TMEM178B: variants seen among roughly 807,000 people sequenced by gnomAD.
The protein encoded by TMEM178B is transmembrane protein 178B.
TMEM178B carries 5 observed loss-of-function variants against 31.0 expected under a neutral mutation model. The observed-to-expected ratio is 0.16, with a 90% CI of 0.08 to 0.34. The LOEUF (loss-of-function observed/expected upper bound fraction) is 0.34. Ranked by LOEUF, TMEM178B falls within the 10% of genes least tolerant of loss-of-function variation. The pLI is 1.00. For missense variants in TMEM178B, 275 were observed against 400.3 expected (o/e 0.69, Z 2.67); for synonymous variants, 164 against 164.0 (o/e 1.00, Z 0.00).
intron 3 of TMEM178B, among the ~76,000 whole-genome samples, chr7:141,464,540 A>G (rs1429144951): frequency 1.3e-5 from 2 of 152,142 alleles, no homozygotes; most frequent in African/African-American, 4.8e-5. Flanking sequence ...TTTTTTAAAA[A>G]GCTTTTTATT....
At chr7:141,431,640 A>T (rs1420431178) in intron 2 of TMEM178B, among the ~76,000 whole-genome samples, 1 of 152,250 alleles carries the variant, frequency 6.6e-6, no homozygotes, top group Admixed American at 6.5e-5. Flanking sequence ...TTGCCTGCAG[A>T]GTCAAACTCA....
chr7:141,438,727 T>G (rs1268347592), intron 3 of TMEM178B, among the ~76,000 whole-genome samples: 1 of 33,542 alleles, frequency 3.0e-5, no homozygotes. Context: ...AAAAAAAAAA[T>G]TAGCCAGGCA....
chr7:141,354,668 A>G (rs1253128213), intron 2 of TMEM178B, among the ~76,000 whole-genome samples: 1 of 152,204 alleles, frequency 6.6e-6, no homozygotes, highest in Non-Finnish European at 1.5e-5. Context: ...TTTAAGCCTT[A>G]GAAACCTACC....
At position 141,109,386 on chromosome 7, in the gene TMEM178B, CAG is replaced by C. The variant is rs1269297674; in HGVS notation, c.382+34695_382+34696del. On this transcript the variant is annotated intron_variant, in intron 1 of 3. Transcript: ENST00000565468. The stretch of plus-strand genomic sequence containing the variant: ...TATTAGAGAGAGTAAGCTGGAAACT[CAG>C]GGGGTGGTGGACAGAGTGTGACACG... Among the ~76,000 whole-genome samples, 5 of 151,944 alleles carry C rather than the reference CAG, an allele frequency of 3.3e-5. No individual in the cohort carries two copies. In the East Asian group the frequency reaches 7.7e-4, roughly 23 times the overall value.
intron 2 of TMEM178B, among the ~76,000 whole-genome samples, chr7:141,366,798 T>G (rs965003808): frequency 9.2e-5 from 14 of 152,278 alleles, no homozygotes; most frequent in African/African-American, 2.9e-4. Context: ...TCATCCGATT[T>G]GGATGGGCTC....
chr7:141,420,064 T>C (rs1014440277), intron 2 of TMEM178B, among the ~76,000 whole-genome samples: 3 of 152,220 alleles, frequency 2.0e-5, no homozygotes. Context: ...CTCAGGTGTC[T>C]GCTTAGATGT....
At chr7:141,243,004 C>G (rs1005357178) in intron 2 of TMEM178B, among the ~76,000 whole-genome samples, 2 of 152,096 alleles carry the variant, frequency 1.3e-5, no homozygotes, top group Non-Finnish European at 2.9e-5. Flanking sequence ...TTGAACTAGG[C>G]ACAAAGTCTA....
At chr7:141,219,959 T>A (rs1797228200) in intron 2 of TMEM178B, among the ~76,000 whole-genome samples, 2 of 152,134 alleles carry the variant, frequency 1.3e-5, no homozygotes, top group South Asian at 2.1e-4. Context: ...GCATTTTTAT[T>A]TTTCAGGAGG....
At chr7:141,348,468 G>A (rs568924602) in intron 2 of TMEM178B, among the ~76,000 whole-genome samples, 93 of 152,342 alleles carry the variant, frequency 6.1e-4, no homozygotes, top group African/African-American at 2.1e-3. Context: ...TTAGAAGAAA[G>A]ACAGGTTTCT....
chr7:141,474,661 C>T lies in TMEM178B; in HGVS notation c.*3875C>T, dbSNP rs1204654360. The stretch of plus-strand genomic sequence containing the variant: ...TGGTCCCACCTAGCAATGCTTGCCT[C>T]TCCTGTGACAAGAGGGTAGGATATC... On this transcript the variant is annotated 3_prime_UTR_variant, in exon 4 of 4. Coordinates refer to ENST00000565468, the MANE Select transcript of TMEM178B (RefSeq NM_001195278.2). The T allele has an allele frequency of 6.6e-6, 1 of 152,166 alleles. No homozygotes were observed. The highest frequency in any genetic ancestry group is 1.5e-5 in the Non-Finnish European group (1 of 68,044). 9.4% of individuals were successfully genotyped at this position (152,166 alleles called of 1,614,324 possible).
intron 2 of TMEM178B, among the ~76,000 whole-genome samples, chr7:141,305,395 C>A (rs1798799630): frequency 6.6e-6 from 1 of 152,160 alleles, no homozygotes; most frequent in Non-Finnish European, 1.5e-5. Flanking sequence ...GTCAATGCAC[C>A]ACCTGCTATT....
chr7:141,379,908 T>C (rs1372030323), intron 2 of TMEM178B, among the ~76,000 whole-genome samples: 1 of 152,162 alleles, frequency 6.6e-6, no homozygotes, highest in Non-Finnish European at 1.5e-5. Flanking sequence ...GTCTCAAGTA[T>C]ATTACAATTC....
At chr7:141,201,171 G>A (rs137942688) in intron 1 of TMEM178B, among the ~76,000 whole-genome samples, 128 of 152,254 alleles carry the variant, frequency 8.4e-4, no homozygotes, top group East Asian at 7.5e-3. Flanking sequence ...CCATCCCCTC[G>A]GGTGACAGCA....
At chr7:141,230,170 T>A (rs1797418079) in intron 2 of TMEM178B, among the ~76,000 whole-genome samples, 1 of 152,186 alleles carries the variant, frequency 6.6e-6, no homozygotes. Flanking sequence ...ATAATGATAA[T>A]CCTTGTGCAT....
At chr7:141,232,871 A>G (rs1797469689) in intron 2 of TMEM178B, among the ~76,000 whole-genome samples, 1 of 152,158 alleles carries the variant, frequency 6.6e-6, no homozygotes, top group Admixed American at 6.5e-5. Context: ...CCCCAAACTC[A>G]GGAAGCAGGA....
chr7:141,335,122 C>T (rs1020673898), intron 2 of TMEM178B, among the ~76,000 whole-genome samples: 1 of 152,194 alleles, frequency 6.6e-6, no homozygotes, highest in African/African-American at 2.4e-5. Context: ...CACAGTTGCT[C>T]AGGTGGGGCA....
At chr7:141,322,209 C>T (rs562809785) in intron 2 of TMEM178B, among the ~76,000 whole-genome samples, 16 of 152,114 alleles carry the variant, frequency 1.1e-4, no homozygotes, top group African/African-American at 3.9e-4. Context: ...AGTATAACTT[C>T]AGTGTCCATT....
At chr7:141,332,279 T>C (rs1799312256) in intron 2 of TMEM178B, among the ~76,000 whole-genome samples, 1 of 152,240 alleles carries the variant, frequency 6.6e-6, no homozygotes, top group Admixed American at 6.5e-5. Context: ...ACATACATTA[T>C]ATTGCCAGAA....
chr7:141,426,562 A>G (rs1018272894), intron 2 of TMEM178B, among the ~76,000 whole-genome samples: 1 of 152,172 alleles, frequency 6.6e-6, no homozygotes, highest in Non-Finnish European at 1.5e-5. Context: ...GGCAGAGAGC[A>G]CAGTGTCATC....
Sources: gnomAD v4.1 joint callset for allele counts (sites outside exome capture counted in the v4.1 genomes callset) on GRCh38, gnomAD v4.1.1 for gene constraint, MANE v1.5 for transcripts, NCBI Gene and HGNC (gene_info 2026-07-23, HGNC 2026-07-21) for gene names.